The following TMEM123 variants were observed in gnomAD, a reference collection of about 807,000 sequenced individuals.
TMEM123 encodes the protein porimin.
Under a neutral mutation model 19.7 loss-of-function variants are expected in TMEM123, and 16 were observed. That is an observed-to-expected ratio of 0.81 (90% confidence interval 0.55 to 1.23). The LOEUF is 1.23. Ranked by LOEUF, TMEM123 falls within the 50% of genes most tolerant of loss-of-function variation. TMEM123 has a pLI of 0.00. For synonymous variants in TMEM123, 118 were observed against 99.4 expected, an observed-to-expected ratio of 1.19 and a Z score of -1.12; for missense variants, 313 against 257.8, an observed-to-expected ratio of 1.21 and a Z score of -1.47.
At chr11:102,409,452 G>A (rs1004275216) in intron 2 of TMEM123, among the ~76,000 whole-genome samples, 2 of 152,058 alleles carry the variant, frequency 1.3e-5, no homozygotes, top group Admixed American at 1.3e-4. Context: ...AAGCAAAGAG[G>A]CCTTTCCTCA....
chr11:102,443,386 A>C (rs1055830906), intron 2 of TMEM123, among the ~76,000 whole-genome samples: 28 of 152,224 alleles, frequency 1.8e-4, no homozygotes, highest in Non-Finnish European at 4.4e-5. Flanking sequence ...CTCAGAAATA[A>C]TACCACACTT....
intron 2 of TMEM123, chr11:102,448,311 C>T: frequency 2.2e-6 from 1 of 455,970 alleles, no homozygotes; most frequent in Non-Finnish European, 4.4e-6. Context: ...CTCAGAGGCC[C>T]AAGGCTTTGT....
intron 1 of TMEM123, among the ~76,000 whole-genome samples, chr11:102,451,833 C>T (rs570282679): frequency 2.2e-3 from 331 of 152,370 alleles, no homozygotes; most frequent in Middle Eastern, 3.4e-3. Context: ...CCACCGGCGA[C>T]CGTGCAGCTG....
intron 1 of TMEM123, among the ~76,000 whole-genome samples, chr11:102,450,943 T>G (rs1242764457): frequency 6.6e-6 from 1 of 152,234 alleles, no homozygotes; most frequent in Admixed American, 6.5e-5. Flanking sequence ...GTTACTAGCT[T>G]TTTTGAGAAA....
chr11:102,449,945 G>A (rs139881362), intron 1 of TMEM123, among the ~76,000 whole-genome samples: 1 of 152,300 alleles, frequency 6.6e-6, no homozygotes, highest in East Asian at 1.9e-4. Context: ...GCAGATATGA[G>A]TGCCAAAATG....
chr11:102,398,784 A>G lies in TMEM123; in HGVS notation c.*83T>C, dbSNP rs1208461487. The G allele has an allele frequency of 2.2e-6, 3 of 1,371,550 alleles. No individual in the cohort carries two copies. The highest frequency in any genetic ancestry group is 2.1e-6 in the Non-Finnish European group (2 of 973,904). The allele number at this position is 1,371,550 out of a possible 1,614,324, so 85.0% of individuals were successfully genotyped here. On this transcript the variant is annotated 3_prime_UTR_variant, in exon 5 of 5. Coordinates refer to ENST00000398136, the MANE Select transcript of TMEM123 (RefSeq NM_052932.3). Reference sequence around the variant, plus strand: ...TGTTTATACTATTTTCAAAAAGAGAATATTGTTTTAAACTATTAATAAACC... The same window carrying G: ...TGTTTATACTATTTTCAAAAAGAGAGTATTGTTTTAAACTATTAATAAACC...
At chr11:102,448,337 C>T (rs1490551319) in intron 2 of TMEM123, 1 of 455,176 alleles carries the variant, frequency 2.2e-6, no homozygotes, top group African/African-American at 2.0e-5. Flanking sequence ...ACTAAAATCA[C>T]AGGGTAAGGG....
intron 2 of TMEM123, among the ~76,000 whole-genome samples, chr11:102,447,744 C>T (rs945975333): frequency 3.9e-5 from 6 of 152,050 alleles, no homozygotes; most frequent in Non-Finnish European, 5.9e-5. Flanking sequence ...TCAATGAAAA[C>T]GTTTTCTGTA....
chr11:102,414,730 GCCA>G (rs1361533572), intron 2 of TMEM123, among the ~76,000 whole-genome samples: 11 of 152,252 alleles, frequency 7.2e-5, no homozygotes, highest in African/African-American at 2.2e-4. Context: ...GCTATTACAA[GCCA>G]CCACAAGAAC....
intron 2 of TMEM123, among the ~76,000 whole-genome samples, chr11:102,423,760 T>A (rs886994807): frequency 1.3e-5 from 2 of 152,224 alleles, no homozygotes; most frequent in East Asian, 1.9e-4. Flanking sequence ...ATTATGTGTA[T>A]GCCTTTTTTG....
intron 2 of TMEM123, among the ~76,000 whole-genome samples, chr11:102,420,174 G>C (rs1181064339): frequency 1.3e-5 from 2 of 152,192 alleles, no homozygotes; most frequent in Admixed American, 1.3e-4. Context: ...GCCCTGAGAG[G>C]TGACACTTAC....
intron 2 of TMEM123, among the ~76,000 whole-genome samples, chr11:102,429,134 T>G (rs1452794872): frequency 6.6e-6 from 1 of 152,028 alleles, no homozygotes; most frequent in Non-Finnish European, 1.5e-5. Flanking sequence ...CTCAGGAGAT[T>G]TGTTAATTCC....
At chr11:102,441,236 T>C (rs1450100630) in intron 2 of TMEM123, among the ~76,000 whole-genome samples, 1 of 152,200 alleles carries the variant, frequency 6.6e-6, no homozygotes, top group Non-Finnish European at 1.5e-5. Context: ...ATCAACAGAA[T>C]ATACATTCTT....
At chr11:102,449,912 C>T (rs188034655) in intron 1 of TMEM123, among the ~76,000 whole-genome samples, 1 of 152,286 alleles carries the variant, frequency 6.6e-6, no homozygotes, top group East Asian at 1.9e-4. Context: ...GGAATTGGAC[C>T]AGATAGTTTG....
chr11:102,408,733 C>T (rs1951977297), intron 2 of TMEM123, among the ~76,000 whole-genome samples: 2 of 152,198 alleles, frequency 1.3e-5, no homozygotes. Flanking sequence ...TATCCGAGCT[C>T]CCATGGTTAC....
Position 102,402,177 on chromosome 11 carries a change from T to C in TMEM123, c.187A>G (p.Thr63Ala). The change falls in exon 3 of 5, where the codon ACA (threonine) becomes GCA (alanine). Residue 63 changes from threonine to alanine, a missense_variant. Coordinates refer to ENST00000398136, the MANE Select transcript of TMEM123 (RefSeq NM_052932.3). The part of the protein sequence containing the change: ...ETLQHVPSDH[T>A]NETSNSTVKP... ...ACAGTACTGTTGGAAGTTTCATTTG[T>C]ATGGTCAGAAGGCACATGTTGGAGA... The C allele has an allele frequency of 6.2e-7, 1 of 1,614,170 alleles. No homozygotes were observed. The highest frequency in any genetic ancestry group is 8.5e-7 in the Non-Finnish European group (1 of 1,180,014).
chr11:102,448,931 T>C, intron 1 of TMEM123, 63 bp from the exon 2 acceptor site: 3 of 1,534,934 alleles, frequency 2.0e-6, no homozygotes, highest in East Asian at 2.3e-5. Context: ...TGGCAGTATG[T>C]GGTTTTCTGC....
chr11:102,449,872 AG>A (rs1857921063), intron 1 of TMEM123, among the ~76,000 whole-genome samples: 1 of 152,226 alleles, frequency 6.6e-6, no homozygotes, highest in Admixed American at 6.5e-5. Context: ...GGCCCAGAGA[AG>A]GCCGCCCAGA....
chr11:102,448,390 G>A (rs917701408), intron 2 of TMEM123: 21 of 424,130 alleles, frequency 5.0e-5, no homozygotes, highest in East Asian at 2.8e-4. Context: ...TGGGTGAAAT[G>A]TAAGTAGGGT....
Sources: allele counts gnomAD v4.1 joint callset (sites outside exome capture counted in the v4.1 genomes callset), GRCh38; gene constraint gnomAD v4.1.1; transcripts MANE v1.5; gene names NCBI Gene and HGNC (gene_info 2026-07-23, HGNC 2026-07-21).